Variants in GOLGA4 observed in about 807,000 individuals in gnomAD.
The protein encoded by GOLGA4 is golgin subfamily A member 4.
In GOLGA4, 169 loss-of-function variants were observed where a neutral mutation model predicts 265.9. The observed-to-expected ratio is 0.64, with a 90% confidence interval of 0.56 to 0.72. The LOEUF (loss-of-function observed/expected upper bound fraction) is 0.72, where lower values mean the gene tolerates loss of function less well. Ranked by LOEUF, GOLGA4 falls within the 30% of genes least tolerant of loss-of-function variation. The pLI is 0.00. For missense variants in GOLGA4, 2,482 were observed against 2,483.4 expected (o/e 1.00, Z 0.01); for synonymous variants, 923 against 855.8 (o/e 1.08, Z -1.37).
Position 37,289,299 on chromosome 3 carries a change from T to G in GOLGA4, c.582+8T>G, listed in dbSNP as rs1247090207. The G allele has an allele frequency of 6.7e-7, 1 of 1,503,082 alleles. No homozygotes were observed. 93.1% of individuals were successfully genotyped at this position (1,503,082 alleles called of 1,614,324 possible). ...ATAGCAGAATTAAGAGAGGTAAGTT[T>G]CAGTGATGAGTACTTTGAAAATAGT... On this transcript the variant is annotated splice_region_variant and intron_variant, in intron 5 of 23. Coordinates refer to ENST00000361924, the MANE Select transcript of GOLGA4 (RefSeq NM_002078.5).
rs1005471318 is a variant in GOLGA4, at chr3:37,309,596, A to C, written c.1235-5824A>C. On this transcript the variant is annotated intron_variant, in intron 10 of 23. Transcript: ENST00000361924. ...CAACAACAAAAAACAAACAAAAAAA[A>C]CCAGTTATAAATCCATTACATGTTA... 7.2e-5 allele frequency among the ~76,000 whole-genome samples: 11 copies of C among 152,344 alleles called. No individual in the cohort carries two copies. The East Asian group carries it at 1.7e-3, about 24-fold the overall frequency.
In GOLGA4 at chr3:37,321,734, A is replaced by G. The variant is rs373517108; in HGVS notation, c.1549A>G (p.Lys517Glu). 6.8e-5 allele frequency: 109 copies of G among 1,602,608 alleles called. No homozygotes were observed. Among genetic ancestry groups the G allele is most frequent in the Non-Finnish European group, 8.9e-5 (105 of 1,177,176 alleles). The change falls in exon 13 of 24, where the codon AAG becomes GAG. Residue 517 changes from lysine (K) to glutamate (E), a missense_variant. Coordinates refer to ENST00000361924, the MANE Select transcript of GOLGA4 (RefSeq NM_002078.5). ...FQEQMKVALE[K>E]SQSEYLKISQ... ...GTATTAATTATTTTTGGCACAGGAA[A>G]AGAGTCAATCAGAATATTTGAAGAT...
At chr3:37,342,052 G>A (rs932747951) in intron 20 of GOLGA4, among the ~76,000 whole-genome samples, 3 of 152,072 alleles carry the variant, frequency 2.0e-5, no homozygotes, top group African/African-American at 7.2e-5. Context: ...TCTTTAAAGA[G>A]TAAAATGAGG....
chr3:37,351,716 T>C (rs1258369027), intron 21 of GOLGA4, among the ~76,000 whole-genome samples: 1 of 152,154 alleles, frequency 6.6e-6, no homozygotes. Flanking sequence ...TGAGCAGTAA[T>C]ATTTGAAGGG....
At chr3:37,342,114 G>T (rs147038607) in intron 20 of GOLGA4, among the ~76,000 whole-genome samples, 1 of 152,100 alleles carries the variant, frequency 6.6e-6, no homozygotes, top group Non-Finnish European at 1.5e-5. Context: ...AGGCCAAAGT[G>T]GGTGGATCAC....
At chr3:37,253,851 TA>T (rs943213964) in intron 2 of GOLGA4, among the ~76,000 whole-genome samples, 1 of 151,766 alleles carries the variant, frequency 6.6e-6, no homozygotes, top group African/African-American at 2.4e-5. Flanking sequence ...GGTGAAACCC[TA>T]AAAAAATACA....
In GOLGA4 at chr3:37,366,668, A is replaced by G. The variant is rs1394774300; in HGVS notation, c.*622A>G. The G allele has an allele frequency of 6.5e-5, 10 of 152,690 alleles. No homozygotes were observed. The highest frequency in any genetic ancestry group is 2.6e-4 in the Admixed American group (4 of 15,280). The allele number at this position is 152,690 out of a possible 1,614,324, so 9.5% of individuals were successfully genotyped here. A position where few individuals can be genotyped will look rare whatever the true frequency, so the allele number is the denominator to read the frequency against. The stretch of plus-strand genomic sequence containing the variant: ...ACTGTAAATTGTGAATAGCCAATAC[A>G]TAACTGTATTGTATGCAAATCTGTG... On this transcript the variant is annotated 3_prime_UTR_variant, in exon 24 of 24. Coordinates refer to ENST00000361924, the MANE Select transcript of GOLGA4 (RefSeq NM_002078.5).
intron 21 of GOLGA4, among the ~76,000 whole-genome samples, chr3:37,349,542 A>G (rs1025562439): frequency 2.6e-5 from 4 of 152,148 alleles, no homozygotes; most frequent in African/African-American, 9.7e-5. Context: ...ATGAAGGGGA[A>G]GTAATTTAAC....
At chr3:37,337,275 C>T in intron 18 of GOLGA4, 112 bp downstream of exon 18, 1 of 647,816 alleles carries the variant, frequency 1.5e-6, no homozygotes, top group Non-Finnish European at 2.7e-6. Context: ...TCTTGGCTCA[C>T]TGCAACCTCT....
intron 5 of GOLGA4, among the ~76,000 whole-genome samples, chr3:37,292,149 C>T (rs1031609462): frequency 1.3e-5 from 2 of 151,936 alleles, no homozygotes; most frequent in South Asian, 2.1e-4. Context: ...TAGTATAAAT[C>T]GAGGAGTGTT....
At chr3:37,362,489 C>T (rs1348380314) in intron 23 of GOLGA4, among the ~76,000 whole-genome samples, 2 of 151,524 alleles carry the variant, frequency 1.3e-5, no homozygotes, top group Non-Finnish European at 2.9e-5. Context: ...ATCCGCCCGC[C>T]TCGGCCTCCC....
At chr3:37,361,428 T>C in intron 23 of GOLGA4, 123 bp downstream of exon 23, 1 of 597,126 alleles carries the variant, frequency 1.7e-6, no homozygotes, top group Non-Finnish European at 3.0e-6. Flanking sequence ...TATGGGTTAA[T>C]ATAAGTATTT....
At chr3:37,337,631 A>G (rs760096171) in intron 18 of GOLGA4, 35 bp from the exon 19 acceptor site, 27 of 1,403,556 alleles carry the variant, frequency 1.9e-5, no homozygotes, top group Middle Eastern at 1.8e-4. Flanking sequence ...AATGAAACCT[A>G]TGTGCATTTC....
At chr3:37,278,714 T>C (rs1161067534) in intron 2 of GOLGA4, among the ~76,000 whole-genome samples, 1 of 152,168 alleles carries the variant, frequency 6.6e-6, no homozygotes, top group African/African-American at 2.4e-5. Context: ...ATAAAAATGG[T>C]ATTTATTGTG....
intron 10 of GOLGA4, among the ~76,000 whole-genome samples, chr3:37,313,940 C>T (rs2096929941): frequency 2.0e-5 from 3 of 150,890 alleles, no homozygotes. Context: ...CATCTGTATA[C>T]ACAAATACAC....
At chr3:37,353,561 A>G (rs1246317412) in intron 21 of GOLGA4, among the ~76,000 whole-genome samples, 3 of 152,024 alleles carry the variant, frequency 2.0e-5, no homozygotes, top group Admixed American at 1.3e-4. Flanking sequence ...TGTATTTTTA[A>G]CAACAGGGTC....
intron 2 of GOLGA4, among the ~76,000 whole-genome samples, chr3:37,272,233 A>G (rs2096800794): frequency 6.6e-6 from 1 of 152,174 alleles, no homozygotes. Flanking sequence ...CCTGGTGCCA[A>G]AAAGGTTGGA....
Position 37,327,793 on chromosome 3 carries a change from A to G in GOLGA4, c.5907A>G (p.Lys1969=), listed in dbSNP as rs769012946. The G allele has an allele frequency of 1.2e-5, 20 of 1,609,652 alleles. No homozygotes were observed. In the South Asian group the frequency reaches 2.2e-4, roughly 18 times the overall value. Residue 1969 remains lysine (K), a synonymous_variant, in exon 14 of 24, where the codon AAA becomes AAG. Coordinates refer to ENST00000361924, the MANE Select transcript of GOLGA4 (RefSeq NM_002078.5). ...AGCAAGAATTGGAAATACTAAAGAA[A>G]GAATATGATCAAGAAAGGGAAGAGA... ...EHQQELEILK[K]EYDQEREEKI...
intron 1 of GOLGA4, chr3:37,250,510 G>A (rs756397546): frequency 1.3e-5 from 2 of 152,106 alleles, no homozygotes; most frequent in Non-Finnish European, 2.9e-5. Flanking sequence ...TTTGTGCACG[G>A]ATACCACAGA....
Sources: allele counts gnomAD v4.1 joint callset (sites outside exome capture counted in the v4.1 genomes callset), GRCh38; gene constraint gnomAD v4.1.1; transcripts MANE v1.5; gene names NCBI Gene and HGNC (gene_info 2026-07-23, HGNC 2026-07-21).